GRIA1: variants seen among roughly 807,000 people sequenced by gnomAD.
GRIA1 encodes glutamate ionotropic receptor AMPA type subunit 1, also known as glutamate receptor 1.
In GRIA1, 31 loss-of-function variants were observed where a neutral mutation model predicts 99.2. The observed-to-expected ratio is 0.31, with a 90% CI of 0.23 to 0.42. The LOEUF is 0.42. GRIA1 is among the 10% of genes least tolerant of loss of function. The pLI is 1.00. For synonymous variants in GRIA1, 438 were observed against 432.4 expected (o/e 1.01, Z -0.16); for missense variants, 782 against 1,157.5 (o/e 0.68, Z 4.71).
intron 2 of GRIA1, among the ~76,000 whole-genome samples, chr5:153,497,984 G>A (rs1475029316): frequency 1.3e-5 from 2 of 152,088 alleles, no homozygotes; most frequent in Non-Finnish European, 2.9e-5. Flanking sequence ...GAGCCTCAAC[G>A]ATAAATAGGG....
intron 15 of GRIA1, among the ~76,000 whole-genome samples, chr5:153,808,314 G>T (rs779708396): frequency 6.6e-6 from 1 of 152,020 alleles, no homozygotes; most frequent in Non-Finnish European, 1.5e-5. Context: ...GTCAAGGAGG[G>T]ATAAGGGAAA....
chr5:153,559,636 C>A (rs748460426), intron 2 of GRIA1, among the ~76,000 whole-genome samples: 4 of 152,156 alleles, frequency 2.6e-5, no homozygotes, highest in Non-Finnish European at 5.9e-5. Flanking sequence ...CAGTAGGTTT[C>A]TTTAAACCAG....
chr5:153,609,260 T>C (rs1765746806), intron 2 of GRIA1, among the ~76,000 whole-genome samples: 1 of 152,226 alleles, frequency 6.6e-6, no homozygotes, highest in Non-Finnish European at 1.5e-5. Flanking sequence ...AGCCCTGCTA[T>C]TCTTTGCTCT....
At chr5:153,786,316 C>T (rs907416628) in intron 13 of GRIA1, among the ~76,000 whole-genome samples, 1 of 152,026 alleles carries the variant, frequency 6.6e-6, no homozygotes, top group African/African-American at 2.4e-5. Flanking sequence ...CTACACTCCT[C>T]GGGTGGGGAC....
intron 2 of GRIA1, among the ~76,000 whole-genome samples, chr5:153,511,994 A>G (rs1756125704): frequency 6.6e-6 from 1 of 152,262 alleles, no homozygotes; most frequent in African/African-American, 2.4e-5. Flanking sequence ...TGTTACACAC[A>G]AACAAACAAA....
At chr5:153,759,017 A>T (rs1022171426) in intron 11 of GRIA1, among the ~76,000 whole-genome samples, 8 of 152,002 alleles carry the variant, frequency 5.3e-5, no homozygotes, top group Admixed American at 1.3e-4. Context: ...GACATTTTTT[A>T]AAAATTTTAA....
upstream of GRIA1, chr5:153,489,974 T>C (rs983747827): frequency 1.8e-5 from 7 of 392,382 alleles, no homozygotes; most frequent in Non-Finnish European, 3.5e-5. Flanking sequence ...CTTGTAAAGG[T>C]AGACAGGGAC....
intron 5 of GRIA1, among the ~76,000 whole-genome samples, chr5:153,658,743 G>C (rs1755135424): frequency 6.6e-6 from 1 of 152,176 alleles, no homozygotes; most frequent in Admixed American, 6.5e-5. Context: ...ACCAAGGAAG[G>C]CTTTGAAAGG....
rs186121980 is a variant in GRIA1, at chr5:153,723,903, T to G, written c.1823+17836T>G. 8.6e-3 allele frequency among the ~76,000 whole-genome samples: 1,309 copies of G among 152,116 alleles called. 7 individuals carry two copies. Among genetic ancestry groups the G allele is most frequent in the Middle Eastern group, 0.014 (4 of 294 alleles). On this transcript the variant is annotated intron_variant, in intron 11 of 15. Coordinates refer to ENST00000285900, the MANE Select transcript of GRIA1 (RefSeq NM_000827.4). The stretch of plus-strand genomic sequence containing the variant: ...TTTGAAGAGAGCAGTGGTTCTCCCA[T>G]CATGCAGCTGGAGATCTGAGAACGG...
In GRIA1 at chr5:153,655,975, G is replaced by T. The variant is rs1754917057; in HGVS notation, c.699+103G>T. The T allele has an allele frequency of 1.2e-5, 10 of 862,720 alleles. No homozygotes were observed. The South Asian group carries it at 1.3e-4, about 11-fold the overall frequency. 53.4% of individuals were successfully genotyped at this position (862,720 alleles called of 1,614,324 possible). A position where few individuals can be genotyped will look rare whatever the true frequency, so the allele number is the denominator to read the frequency against. On this transcript the variant is annotated intron_variant, in intron 5 of 15. Coordinates refer to ENST00000285900, the MANE Select transcript of GRIA1 (RefSeq NM_000827.4). ...TGATGTGAACTGAGTAGGTGGAAGG[G>T]GCAATTCAGGGCTGTAATAATGAGT...
At chr5:153,603,950 A>G (rs1176659404) in intron 2 of GRIA1, among the ~76,000 whole-genome samples, 1 of 152,238 alleles carries the variant, frequency 6.6e-6, no homozygotes, top group Non-Finnish European at 1.5e-5. Flanking sequence ...TAATACTATT[A>G]CTATACATAT....
chr5:153,519,726 CATCATCA>C, intron 2 of GRIA1, among the ~76,000 whole-genome samples: 1 of 152,134 alleles, frequency 6.6e-6, no homozygotes, highest in Non-Finnish European at 1.5e-5. Context: ...GACAAGGAAA[CATCATCA>C]AGTCTCTCTG....
chr5:153,503,710 G>C (rs1018139879), intron 2 of GRIA1, among the ~76,000 whole-genome samples: 1 of 152,152 alleles, frequency 6.6e-6, no homozygotes, highest in Non-Finnish European at 1.5e-5. Flanking sequence ...CGAAATATGT[G>C]GATCATAAGA....
intron 10 of GRIA1, 138 bp from the exon 11 acceptor site, chr5:153,705,559 A>T (rs1581505529): frequency 4.7e-6 from 5 of 1,074,824 alleles, no homozygotes; most frequent in Non-Finnish European, 6.3e-6. Flanking sequence ...GAGGGGTTGG[A>T]CTTCAAAGGT....
chr5:153,566,659 T>C (rs1200097793), intron 2 of GRIA1, among the ~76,000 whole-genome samples: 1 of 151,740 alleles, frequency 6.6e-6, no homozygotes, highest in African/African-American at 2.4e-5. Context: ...ATTGTAAGAA[T>C]GTTTTAACGT....
At chr5:153,495,243 A>T (rs1754299521) in intron 2 of GRIA1, among the ~76,000 whole-genome samples, 1 of 152,224 alleles carries the variant, frequency 6.6e-6, no homozygotes, top group African/African-American at 2.4e-5. Context: ...ATTCATTACC[A>T]TGTATTAAGC....
chr5:153,568,825 A>T (rs917106958), intron 2 of GRIA1, among the ~76,000 whole-genome samples: 17 of 152,194 alleles, frequency 1.1e-4, no homozygotes, highest in African/African-American at 3.6e-4. Context: ...AGTAAAATTC[A>T]CATTTCCAAC....
intron 2 of GRIA1, among the ~76,000 whole-genome samples, chr5:153,608,901 T>C (rs1210743024): frequency 6.6e-6 from 1 of 152,228 alleles, no homozygotes; most frequent in Non-Finnish European, 1.5e-5. Context: ...ATATGTTTGC[T>C]TGCTGCACTA....
intron 11 of GRIA1, among the ~76,000 whole-genome samples, chr5:153,715,893 G>A (rs535782663): frequency 1.1e-4 from 17 of 152,210 alleles, no homozygotes; most frequent in African/African-American, 2.9e-4. Flanking sequence ...AGAGAAAATC[G>A]GCTAATAGGG....
Sources: gnomAD v4.1 joint callset for allele counts (sites outside exome capture counted in the v4.1 genomes callset) on GRCh38, gnomAD v4.1.1 for gene constraint, MANE v1.5 for transcripts, NCBI Gene and HGNC (gene_info 2026-07-23, HGNC 2026-07-21) for gene names.